The following RABEP1 variants were observed in gnomAD, a reference collection of about 807,000 sequenced individuals.
RABEP1 encodes rabaptin, RAB GTPase binding effector protein 1, also known as rab GTPase-binding effector protein 1.
A neutral mutation model predicts 123.4 loss-of-function variants in RABEP1; 51 were observed. The observed-to-expected ratio is 0.41, with a 90% CI of 0.33 to 0.52. RABEP1 has a LOEUF of 0.52. Ranked by LOEUF, RABEP1 falls within the 20% of genes least tolerant of loss-of-function variation. RABEP1 has a pLI of 0.16. For missense variants in RABEP1, 888 were observed against 996.3 expected (o/e 0.89, Z 1.46); for synonymous variants, 347 against 355.2 (o/e 0.98, Z 0.26).
At chr17:5,367,817 C>T (rs865794538) in intron 11 of RABEP1, among the ~76,000 whole-genome samples, 3 of 150,504 alleles carry the variant, frequency 2.0e-5, no homozygotes, top group South Asian at 4.4e-4. Flanking sequence ...GTACAGGGTG[C>T]GTTCTGGGCT....
At chr17:5,318,870 A>G (rs111447973) in intron 2 of RABEP1, among the ~76,000 whole-genome samples, 2 of 152,316 alleles carry the variant, frequency 1.3e-5, no homozygotes, top group East Asian at 1.9e-4. Context: ...GCCACGTGGC[A>G]TTTGTGTAGG....
chr17:5,364,710 C>CA (rs200314940), intron 10 of RABEP1, among the ~76,000 whole-genome samples: 17,778 of 112,362 alleles, frequency 0.16, 1,540 homozygotes, highest in African/African-American at 0.3. Context: ...ACTCTTGTCT[C>CA]AAAAAAAAAA....
chr17:5,306,786 TACC>T (rs2075183339), intron 1 of RABEP1, among the ~76,000 whole-genome samples: 3 of 152,278 alleles, frequency 2.0e-5, no homozygotes, highest in Admixed American at 2.0e-4. Context: ...ATTAAATAAA[TACC>T]ACCAATTTAA....
intron 10 of RABEP1, among the ~76,000 whole-genome samples, chr17:5,363,619 TTTTA>T (rs1412819368): frequency 6.6e-6 from 1 of 152,188 alleles, no homozygotes; most frequent in African/African-American, 2.4e-5. Context: ...CTAAAAGTGA[TTTTA>T]AGTACATGGC....
At chr17:5,329,019 C>CTTTTTTTTTTTTTTTTTTTTTTTTTTT (rs760060600) in intron 2 of RABEP1, among the ~76,000 whole-genome samples, 1 of 110,660 alleles carries the variant, frequency 9.0e-6, no homozygotes, top group African/African-American at 3.5e-5. Context: ...TTCAGAAAGA[C>CTTTTTTTTTTTTTTTTTTTTTTTTTTT]TTTTTTTTTT....
At chr17:5,314,644 G>A (rs1036298963) in intron 2 of RABEP1, among the ~76,000 whole-genome samples, 8 of 148,758 alleles carry the variant, frequency 5.4e-5, no homozygotes, top group Admixed American at 4.1e-4. Context: ...TCAGCCTCCC[G>A]AGTAGCTGGG....
At chr17:5,370,751 C>T (rs1399622946) in intron 12 of RABEP1, among the ~76,000 whole-genome samples, 2 of 152,082 alleles carry the variant, frequency 1.3e-5, no homozygotes, top group East Asian at 1.9e-4. Context: ...TTTGATCACT[C>T]GGTTAAGGTG....
chr17:5,285,207 A>G (rs2074965635), intron 1 of RABEP1, among the ~76,000 whole-genome samples: 1 of 152,184 alleles, frequency 6.6e-6, no homozygotes, highest in African/African-American at 2.4e-5. Flanking sequence ...GAGAATTTAA[A>G]AATGAAAATT....
intron 1 of RABEP1, among the ~76,000 whole-genome samples, chr17:5,296,212 A>G (rs1418017609): frequency 6.6e-6 from 1 of 152,186 alleles, no homozygotes; most frequent in Non-Finnish European, 1.5e-5. Context: ...TATATTCATA[A>G]GTGAGATTGG....
At chr17:5,282,936 A>G (rs746850819) in intron 1 of RABEP1, among the ~76,000 whole-genome samples, 13 of 152,102 alleles carry the variant, frequency 8.5e-5, no homozygotes, top group African/African-American at 1.7e-4. Flanking sequence ...TGCCGCCCCA[A>G]TCCTTGCTAT....
chr17:5,339,782 G>A (rs1161126432), intron 5 of RABEP1, among the ~76,000 whole-genome samples: 2 of 151,896 alleles, frequency 1.3e-5, no homozygotes, highest in Admixed American at 6.6e-5. Flanking sequence ...CAGCCTGGGC[G>A]ACAGAGTGAG....
At position 5,346,853 on chromosome 17, in the gene RABEP1, G is replaced by A. The variant is rs766371806; in HGVS notation, c.712G>A (p.Val238Ile). ...KSCRTDLEMY[V>I]AVLNTQKSVL... Reference sequence around the variant, plus strand: ...TTGTAGGACTGATCTAGAGATGTATGTAGCTGTTTTGAATACTCAGAAATC... The same window carrying A: ...TTGTAGGACTGATCTAGAGATGTATATAGCTGTTTTGAATACTCAGAAATC... Residue 238 changes from valine (V) to isoleucine (I), a missense_variant, in exon 6 of 18, where the codon GTA becomes ATA. By Grantham distance (29) the Val-to-Ile change is conservative. Coordinates refer to ENST00000537505, the MANE Select transcript of RABEP1 (RefSeq NM_004703.6). The A allele has an allele frequency of 5.0e-6, 8 of 1,610,594 alleles. No individual in the cohort carries two copies. The highest frequency in any genetic ancestry group is 5.9e-6 in the Non-Finnish European group (7 of 1,177,880).
intron 1 of RABEP1, among the ~76,000 whole-genome samples, chr17:5,292,279 C>A (rs1236800827): frequency 6.6e-6 from 1 of 152,030 alleles, no homozygotes; most frequent in Admixed American, 6.6e-5. Flanking sequence ...GGCTTTTGTT[C>A]ATTTTTTTCC....
Position 5,282,580 on chromosome 17 carries a change from GA to G in RABEP1, c.34+61del. 2.8e-6 allele frequency: 3 copies of G among 1,089,516 alleles called. No individual in the cohort carries two copies. In the South Asian group the frequency reaches 1.4e-4, roughly 49 times the overall value. 67.5% of individuals were successfully genotyped at this position (1,089,516 alleles called of 1,614,324 possible). On this transcript the variant is annotated intron_variant, in intron 1 of 17. Transcript: ENST00000537505. ...GGCCTGCCCGGCGTCGGCGTCGCGG[GA>G]GGATTTCGGGGCGGGCAGGCGGCGG...
At chr17:5,321,626 A>G (rs2075355956) in intron 2 of RABEP1, among the ~76,000 whole-genome samples, 1 of 152,064 alleles carries the variant, frequency 6.6e-6, no homozygotes, top group African/African-American at 2.4e-5. Flanking sequence ...ATAACCCAAG[A>G]AAGAAACCCA....
chr17:5,312,783 A>G (rs192544261), intron 2 of RABEP1, among the ~76,000 whole-genome samples: 35 of 152,246 alleles, frequency 2.3e-4, no homozygotes, highest in African/African-American at 8.4e-4. Context: ...CAGTATCATC[A>G]TTTCAAGATG....
intron 1 of RABEP1, among the ~76,000 whole-genome samples, chr17:5,282,981 T>C (rs2074942945): frequency 6.6e-6 from 1 of 152,092 alleles, no homozygotes; most frequent in African/African-American, 2.4e-5. Flanking sequence ...GACCTGAAAG[T>C]AGTTGTGTAC....
chr17:5,327,237 A>T (rs2144585235), intron 2 of RABEP1, among the ~76,000 whole-genome samples: 1 of 152,162 alleles, frequency 6.6e-6, no homozygotes, highest in East Asian at 1.9e-4. Flanking sequence ...AATCCCAGCT[A>T]CTTGGGAGAC....
At chr17:5,311,928 G>C (rs1408902669) in intron 2 of RABEP1, among the ~76,000 whole-genome samples, 4 of 152,054 alleles carry the variant, frequency 2.6e-5, no homozygotes, top group Non-Finnish European at 5.9e-5. Flanking sequence ...AATAGAAACA[G>C]AGTTTTATTA....
Sources: allele counts gnomAD v4.1 joint callset (sites outside exome capture counted in the v4.1 genomes callset), GRCh38; gene constraint gnomAD v4.1.1; transcripts MANE v1.5; gene names NCBI Gene and HGNC (gene_info 2026-07-23, HGNC 2026-07-21).